FXN: variants seen among roughly 807,000 people sequenced by gnomAD.
FXN encodes the protein frataxin, mitochondrial.
In FXN, 14 loss-of-function variants were observed where a neutral mutation model predicts 22.4. The observed-to-expected ratio is 0.62, with a 90% CI of 0.41 to 0.98. FXN has a LOEUF of 0.98. Ranked by LOEUF, FXN falls within the 50% of genes least tolerant of loss-of-function variation. The pLI, the probability that FXN is intolerant of heterozygous loss-of-function variation, is 0.00. For missense variants in FXN, 267 were observed against 268.4 expected (o/e 0.99, Z 0.04); for synonymous variants, 120 against 114.1 (o/e 1.05, Z -0.33).
At chr9:69,059,244 T>G (rs1832020327) in intron 3 of FXN, among the ~76,000 whole-genome samples, 1 of 151,806 alleles carries the variant, frequency 6.6e-6, no homozygotes, top group South Asian at 2.1e-4. Context: ...AGCCCTTAGA[T>G]CCGAACTCAA....
At chr9:69,035,992 CCGCA>C in intron 1 of FXN, 45 bp downstream of exon 1, 11 of 1,311,150 alleles carry the variant, frequency 8.4e-6, no homozygotes, top group Non-Finnish European at 1.1e-5. Flanking sequence ...ACGCCGCGGG[CCGCA>C]CGCCGCACGC....
intron 1 of FXN, chr9:69,036,241 C>T (rs1831549737): frequency 4.5e-6 from 1 of 221,284 alleles, no homozygotes; most frequent in Non-Finnish European, 8.7e-6. Context: ...GTGGAGGGGA[C>T]CGGTTCCGAG....
intron 1 of FXN, 54 bp downstream of exon 1, chr9:69,036,001 GCA>G: frequency 7.8e-7 from 1 of 1,281,542 alleles, no homozygotes; most frequent in South Asian, 2.4e-5. Flanking sequence ...GCCGCACGCC[GCA>G]CGCCTGCGCA....
intron 4 of FXN, among the ~76,000 whole-genome samples, chr9:69,065,540 CA>C (rs34769489): frequency 3.6e-5 from 5 of 140,726 alleles, no homozygotes; most frequent in Non-Finnish European, 4.6e-5. Flanking sequence ...GACCCTGTCC[CA>C]AAAAAAAAAA....
intron 3 of FXN, among the ~76,000 whole-genome samples, chr9:69,058,665 G>A (rs1018346623): frequency 1.3e-5 from 2 of 151,988 alleles, no homozygotes; most frequent in African/African-American, 4.8e-5. Context: ...TTCATAAATC[G>A]GGAAGGCTGC....
chr9:69,065,623 C>G (rs1832155112), intron 4 of FXN, among the ~76,000 whole-genome samples: 1 of 151,826 alleles, frequency 6.6e-6, no homozygotes, highest in African/African-American at 2.4e-5. Flanking sequence ...GTCTCATTCT[C>G]AGTAGAAAAG....
rs145854903 is a variant in FXN, at chr9:69,035,900, C to T, written c.118C>T (p.Arg40Cys). The T allele has an allele frequency of 6.6e-4, 985 of 1,487,292 alleles. 1 individual carries two copies. The highest frequency in any genetic ancestry group is 8.4e-4 in the Non-Finnish European group (943 of 1,125,256). 92.1% of individuals were successfully genotyped at this position (1,487,292 alleles called of 1,614,324 possible). A position where few individuals can be genotyped will look rare whatever the true frequency, so the allele number is the denominator to read the frequency against. ...PAELAPLCGR[R>C]GLRTDIDATC... Reference sequence around the variant, plus strand: ...AGAGTTGGCCCCACTCTGCGGCCGCCGTGGCCTGCGCACCGACATCGATGC... The same window carrying T: ...AGAGTTGGCCCCACTCTGCGGCCGCTGTGGCCTGCGCACCGACATCGATGC... Residue 40 changes from arginine (R) to cysteine (C), a missense_variant, in exon 1 of 5, where the codon CGT becomes TGT. Transcript: ENST00000484259.
Position 69,044,704 on chromosome 9 carries a change from C to T in FXN, c.166-1681C>T, listed in dbSNP as rs3793453. ...CCCCTGTCACCTCCCCTGCATCTCCCTACTCCAGCTGCACCACTCTTGTGC... is the reference window on the plus strand; with the variant it reads ...CCCCTGTCACCTCCCCTGCATCTCCTTACTCCAGCTGCACCACTCTTGTGC... On this transcript the variant is annotated intron_variant, in intron 1 of 4. Transcript: ENST00000484259. Among the ~76,000 whole-genome samples the T allele has an allele frequency of 1.7e-3, 265 of 152,324 alleles. 6 individuals carry two copies. The East Asian group carries it at 0.047, about 27-fold the overall frequency.
chr9:69,042,242 A>G (rs565598991), intron 1 of FXN, among the ~76,000 whole-genome samples: 151 of 150,924 alleles, frequency 1.0e-3, no homozygotes, highest in Non-Finnish European at 1.6e-3. Flanking sequence ...CGTCTCAGAA[A>G]AAAAAAAAAA....
At chr9:69,067,599 A>T (rs1323284164) in intron 4 of FXN, among the ~76,000 whole-genome samples, 1 of 152,170 alleles carries the variant, frequency 6.6e-6, no homozygotes, top group Non-Finnish European at 1.5e-5. Context: ...TTGTGTCAAT[A>T]TCAAAGCCTC....
At chr9:69,064,537 C>T (rs1380555082) in intron 3 of FXN, among the ~76,000 whole-genome samples, 2 of 152,150 alleles carry the variant, frequency 1.3e-5, no homozygotes, top group Non-Finnish European at 2.9e-5. Context: ...ACGTGGTACT[C>T]TAATAGAGTT....
At chr9:69,058,593 C>T (rs1412974321) in intron 3 of FXN, among the ~76,000 whole-genome samples, 2 of 145,416 alleles carry the variant, frequency 1.4e-5, no homozygotes, top group Admixed American at 7.1e-5. Context: ...CTTCCATACT[C>T]ACCTGTTAAA....
chr9:69,059,391 CTTTTTTTTTTTTTTT>C, intron 3 of FXN, among the ~76,000 whole-genome samples: 1 of 62,996 alleles, frequency 1.6e-5, no homozygotes, highest in Middle Eastern at 0.024. Context: ...GAGGCAGCAT[CTTTTTTTTTTTTTTT>C]TTTTTTTTTT....
rs1160673966 is a variant in FXN, at chr9:69,072,797, C to T, written c.*35C>T. The T allele has an allele frequency of 3.1e-6, 5 of 1,613,574 alleles. No individual in the cohort carries two copies. Among genetic ancestry groups the T allele is most frequent in the Admixed American group, 1.7e-5 (1 of 59,990 alleles). On this transcript the variant is annotated 3_prime_UTR_variant, in exon 5 of 5. Coordinates refer to ENST00000484259, the MANE Select transcript of FXN (RefSeq NM_000144.5). ...CCGTTTTAAGGACATTAAAAGCTATCAGGCCAAGACCCCAGCTTCATTATG... is the reference window on the plus strand; with the variant it reads ...CCGTTTTAAGGACATTAAAAGCTATTAGGCCAAGACCCCAGCTTCATTATG...
At chr9:69,037,213 C>T (rs1831566718) in intron 1 of FXN, among the ~76,000 whole-genome samples, 3 of 147,226 alleles carry the variant, frequency 2.0e-5, no homozygotes, top group East Asian at 4.0e-4. Flanking sequence ...CACCTGAGGT[C>T]CGGAGTTCAA....
chr9:69,056,637 G>A (rs1415076320), intron 3 of FXN, among the ~76,000 whole-genome samples: 1 of 152,178 alleles, frequency 6.6e-6, no homozygotes, highest in African/African-American at 2.4e-5. Flanking sequence ...AGACCACTCT[G>A]TGGTCAGTGG....
chr9:69,066,991 C>T (rs1289503889), intron 4 of FXN, among the ~76,000 whole-genome samples: 1 of 152,234 alleles, frequency 6.6e-6, no homozygotes, highest in African/African-American at 2.4e-5. Context: ...GGCCCCTCCC[C>T]TTCCTGCGCC....
Position 69,074,551 on chromosome 9 carries a change from G to A in FXN, c.*1789G>A. 1.0e-6 allele frequency: 1 copy of A among 982,852 alleles called. No homozygotes were observed. The highest frequency in any genetic ancestry group is 1.2e-6 in the Non-Finnish European group (1 of 828,618). 60.9% of individuals were successfully genotyped at this position (982,852 alleles called of 1,614,324 possible). ...AAAAAAAAGGAGGGTTTATTAATGAGAAGTTTGTATTAATATGTAGCAAAG... is the reference window on the plus strand; with the variant it reads ...AAAAAAAAGGAGGGTTTATTAATGAAAAGTTTGTATTAATATGTAGCAAAG... On this transcript the variant is annotated 3_prime_UTR_variant, in exon 5 of 5. Transcript: ENST00000484259.
At chr9:69,061,322 AG>A (rs1355789687) in intron 3 of FXN, among the ~76,000 whole-genome samples, 1 of 152,116 alleles carries the variant, frequency 6.6e-6, no homozygotes, top group Non-Finnish European at 1.5e-5. Context: ...TCCTCGAAGG[AG>A]GCAGGAGAGA....
Sources: allele counts gnomAD v4.1 joint callset (sites outside exome capture counted in the v4.1 genomes callset), GRCh38; gene constraint gnomAD v4.1.1; transcripts MANE v1.5; gene names NCBI Gene and HGNC (gene_info 2026-07-23, HGNC 2026-07-21).